SRA1: variants seen among roughly 807,000 people sequenced by gnomAD.
SRA1 encodes the protein lncRNA SRA.
A neutral mutation model predicts 24.3 loss-of-function variants in SRA1; 25 were observed. That is an observed-to-expected ratio of 1.03 (90% CI 0.75 to 1.43). The LOEUF is 1.43. SRA1 is among the 40% of genes most tolerant of loss of function. The pLI is 0.00. For synonymous variants in SRA1, 104 were observed against 109.5 expected (o/e 0.95, Z 0.31); for missense variants, 303 against 286.6 (o/e 1.06, Z -0.41).
rs1486113494 is a variant in SRA1, at chr5:140,557,234, A to G, written c.64T>C (p.Ser22Pro). 1.2e-6 allele frequency: 2 copies of G among 1,613,212 alleles called. No individual in the cohort carries two copies. The highest frequency in any genetic ancestry group is 3.3e-5 in the Admixed American group (2 of 60,014). The change falls in exon 2 of 5, where the codon TCA becomes CCA. Residue 22 changes from serine to proline, a missense_variant. By Grantham distance (74) the Ser-to-Pro change is moderately conservative. Coordinates refer to ENST00000336283, the MANE Select transcript of SRA1 (RefSeq NM_001035235.4). ...ERGWNDPPQF[S>P]YGLQTQAGGP... The stretch of plus-strand genomic sequence containing the variant: ...CCGGCCTGGGTCTGCAGCCCGTATG[A>G]GAACTGCGGCGGGTCGTTCCAGCCG...
rs545437772 is a variant in SRA1, at chr5:140,557,438, G to A, written c.15C>T (p.Tyr5=). The A allele has an allele frequency of 6.4e-6, 10 of 1,565,628 alleles. No homozygotes were observed. In the East Asian group the frequency reaches 9.6e-5, roughly 15 times the overall value. ...GCCGGCTGCGCTCACCCGGCTTCAC[G>A]TACAGCTCCGCCATCTCCACTTCCG... is the stretch of plus-strand genomic sequence containing the variant. The part of the protein sequence containing the change: MAEL[Y]VKPGNKERGW... Residue 5 remains tyrosine (Y), a synonymous_variant, in exon 1 of 5, where the codon TAC becomes TAT. Transcript: ENST00000336283.
rs1754523911 is a variant in SRA1 at position 140,550,657 on chromosome 5, A to C, written c.*43T>G. 1.3e-6 allele frequency: 2 copies of C among 1,577,220 alleles called. No individual in the cohort carries two copies. The highest frequency in any genetic ancestry group is 2.7e-5 in the African/African-American group (2 of 74,184). ...GGGAGCCAAGTGACAGAAGGTCTCC[A>C]AGGCATAGGAGATGGTGTCCGGTGA... On this transcript the variant is annotated 3_prime_UTR_variant, in exon 5 of 5. Transcript: ENST00000336283.
chr5:140,550,921 G>A lies in SRA1; in HGVS notation c.464-10C>T. ...CGGTGGCTTGAAAGCTCTGAAGAGA[G>A]ACGGGGGTTGAGCAAGCAGCCTGTG... On this transcript the variant is annotated splice_polypyrimidine_tract_variant and intron_variant, in intron 4 of 4. Coordinates refer to ENST00000336283, the MANE Select transcript of SRA1 (RefSeq NM_001035235.4). 3 of 1,613,432 alleles carry A rather than the reference G, an allele frequency of 1.9e-6. No homozygotes were observed. Among genetic ancestry groups the A allele is most frequent in the Non-Finnish European group, 2.5e-6 (3 of 1,179,512 alleles).
chr5:140,558,090 C>T, upstream of SRA1: 1 of 185,300 alleles, frequency 5.4e-6, no homozygotes, highest in South Asian at 9.4e-5. Context: ...CAGCTTAGTG[C>T]CTGGCACAGG....
intron 2 of SRA1, among the ~76,000 whole-genome samples, chr5:140,552,732 G>T (rs1754600205): frequency 6.6e-6 from 1 of 151,986 alleles, no homozygotes; most frequent in Non-Finnish European, 1.5e-5. Context: ...CACTTTGAGA[G>T]GCCAAGGTAG....
intron 2 of SRA1, among the ~76,000 whole-genome samples, chr5:140,555,225 G>A (rs770379559): frequency 1.3e-5 from 2 of 150,704 alleles, no homozygotes; most frequent in African/African-American, 2.4e-5. Context: ...ATTGATTCAT[G>A]TCTTTACGCT....
chr5:140,550,135 C>A lies in SRA1; in HGVS notation c.*565G>T. On this transcript the variant is annotated 3_prime_UTR_variant, in exon 5 of 5. Coordinates refer to ENST00000336283, the MANE Select transcript of SRA1 (RefSeq NM_001035235.4). ...ATCTCAGTAATCTGGTCTTTTTCTC[C>A]TTCGATTTACACAGAAAACCCCACT... 6.5e-6 allele frequency: 1 copy of A among 154,762 alleles called. No homozygotes were observed. The highest frequency in any genetic ancestry group is 2.0e-4 in the South Asian group (1 of 5,040). The allele number at this position is 154,762 out of a possible 1,614,324, so 9.6% of individuals were successfully genotyped here.
At position 140,557,101 on chromosome 5, in the gene SRA1, C is replaced by G. The variant is rs781475736; in HGVS notation, c.151+46G>C. The stretch of plus-strand genomic sequence containing the variant: ...AAACAGGCTTATGCCTTACACCCCC[C>G]CCCCCCCATTCTCCGTCTGTCTCCG... On this transcript the variant is annotated intron_variant, in intron 2 of 4. Coordinates refer to ENST00000336283, the MANE Select transcript of SRA1 (RefSeq NM_001035235.4). The G allele has an allele frequency of 4.3e-6, 5 of 1,166,820 alleles. No individual in the cohort carries two copies. The African/African-American group carries it at 6.0e-5, about 14-fold the overall frequency. The allele number at this position is 1,166,820 out of a possible 1,614,324, so 72.3% of individuals were successfully genotyped here. A position where few individuals can be genotyped will look rare whatever the true frequency, so the allele number is the denominator to read the frequency against.
intron 2 of SRA1, 45 bp downstream of exon 2, chr5:140,557,102 C>CG: frequency 1.7e-6 from 2 of 1,178,074 alleles, no homozygotes; most frequent in Non-Finnish European, 2.4e-6. Flanking sequence ...TACACCCCCC[C>CG]CCCCCCATTC....
Position 140,552,089 on chromosome 5 carries a change from C to A in SRA1, c.247G>T (p.Ala83Ser). The A allele has an allele frequency of 6.2e-7, 1 of 1,613,958 alleles. No homozygotes were observed. Among genetic ancestry groups the A allele is most frequent in the Non-Finnish European group, 8.5e-7 (1 of 1,179,904 alleles). The change falls in exon 3 of 5, where the codon GCC becomes TCC. Residue 83 changes from alanine to serine, a missense_variant. Ala to Ser is a moderately conservative substitution (Grantham distance 99). Transcript: ENST00000336283. ...PRSPPVGSGPASGVEPTSFPV... is the reference protein window; with the variant it reads ...PRSPPVGSGPSSGVEPTSFPV... ...AAACTTGTGGGCTCCACGCCAGAGG[C>A]AGGACCACTCCCCACAGGTGGGGAC...
intron 2 of SRA1, among the ~76,000 whole-genome samples, chr5:140,553,197 TGA>T (rs1222883232): frequency 6.6e-6 from 1 of 152,010 alleles, no homozygotes; most frequent in East Asian, 1.9e-4. Context: ...AGGTACAGGC[TGA>T]GTGTGGTGAC....
intron 2 of SRA1, among the ~76,000 whole-genome samples, chr5:140,554,913 T>TG (rs1754651638): frequency 6.6e-6 from 1 of 151,946 alleles, no homozygotes. Context: ...TTTATTGAGA[T>TG]GGAGTCCCAG....
Position 140,550,776 on chromosome 5 carries a change from T to C in SRA1, c.599A>G (p.Glu200Gly). ...IAEKRSLFSE[E>G]AANEEKSAAT... ...TGCAGATTTCTCTTCATTGGCTGCCTCCTCTGAAAACAGACTCCTCTTTTC... is the reference window on the plus strand; with the variant it reads ...TGCAGATTTCTCTTCATTGGCTGCCCCCTCTGAAAACAGACTCCTCTTTTC... Residue 200 changes from glutamate to glycine, a missense_variant, in exon 5 of 5, where the codon GAG (glutamate) becomes GGG (glycine). Glu to Gly is a moderately conservative substitution (Grantham distance 98). Transcript: ENST00000336283. 1 of 1,614,156 alleles carries C rather than the reference T, an allele frequency of 6.2e-7. No individual in the cohort carries two copies. Among genetic ancestry groups the C allele is most frequent in the Non-Finnish European group, 8.5e-7 (1 of 1,180,010 alleles).
Position 140,552,122 on chromosome 5 carries a change from C to A in SRA1, c.214G>T (p.Ala72Ser). ...PMGPPPPSSKAPRSPPVGSGP... is the reference protein window; with the variant it reads ...PMGPPPPSSKSPRSPPVGSGP... The stretch of plus-strand genomic sequence containing the variant: ...CTCCCCACAGGTGGGGACCTGGGAG[C>A]CTTACTTGAAGGAGGTGGAGGCCCC... Residue 72 changes from alanine (A) to serine (S), a missense_variant, in exon 3 of 5, where the codon GCT (alanine) becomes TCT (serine). Transcript: ENST00000336283. The A allele has an allele frequency of 6.2e-7, 1 of 1,612,738 alleles. No individual in the cohort carries two copies. The highest frequency in any genetic ancestry group is 8.5e-7 in the Non-Finnish European group (1 of 1,179,398).
intron 2 of SRA1, among the ~76,000 whole-genome samples, chr5:140,555,377 G>A (rs1254222237): frequency 6.6e-6 from 1 of 152,012 alleles, no homozygotes; most frequent in African/African-American, 2.4e-5. Flanking sequence ...CTCCCAAGTA[G>A]CTGGTATTAC....
At chr5:140,557,543 T>C, upstream of SRA1, 3 of 1,456,468 alleles carry the variant, frequency 2.1e-6, no homozygotes, top group Non-Finnish European at 2.7e-6. Context: ...GCCAGGCGGG[T>C]TGCCGGAATC....
chr5:140,551,644 C>T, intron 3 of SRA1: 1 of 237,294 alleles, frequency 4.2e-6, no homozygotes, highest in Non-Finnish European at 8.1e-6. Context: ...TTTCTTTCTC[C>T]CTAACTGGGC....
chr5:140,552,418 T>G (rs1169520891), intron 2 of SRA1, among the ~76,000 whole-genome samples: 1 of 152,094 alleles, frequency 6.6e-6, no homozygotes, highest in Admixed American at 6.5e-5. Flanking sequence ...TTTGGGAGGC[T>G]GAGGCAGACA....
At position 140,552,203 on chromosome 5, in the gene SRA1, A is replaced by G; in HGVS notation, c.152-19T>C. On this transcript the variant is annotated intron_variant, in intron 2 of 4. Coordinates refer to ENST00000336283, the MANE Select transcript of SRA1 (RefSeq NM_001035235.4). ...GCGGGGACTGAAAAGGTACAGCAGG[A>G]TCAAGCAACATGGCTTAAATGGGTA... 1.3e-6 allele frequency: 2 copies of G among 1,535,824 alleles called. No homozygotes were observed. The highest frequency in any genetic ancestry group is 1.7e-4 in the Middle Eastern group (1 of 5,758).
Sources: allele counts gnomAD v4.1 joint callset (sites outside exome capture counted in the v4.1 genomes callset), GRCh38; gene constraint gnomAD v4.1.1; transcripts MANE v1.5; gene names NCBI Gene and HGNC (gene_info 2026-07-23, HGNC 2026-07-21).